CBLB: variants seen among roughly 807,000 people sequenced by gnomAD.
CBLB encodes the protein Cbl proto-oncogene B.
A neutral mutation model predicts 104.9 loss-of-function variants in CBLB; 31 were observed. The observed-to-expected ratio is 0.30, with a 90% CI of 0.22 to 0.40. The LOEUF is 0.40. CBLB is among the 10% of genes least tolerant of loss of function. CBLB has a pLI of 1.00. For synonymous variants in CBLB, 440 were observed against 422.6 expected (o/e 1.04, Z -0.51); for missense variants, 1,062 against 1,214.6 (o/e 0.87, Z 1.87).
intron 18 of CBLB, among the ~76,000 whole-genome samples, chr3:105,668,852 C>A (rs1204382065): frequency 6.6e-6 from 1 of 152,108 alleles, no homozygotes; most frequent in African/African-American, 2.4e-5. Context: ...TATCTTGATT[C>A]AGAAGTTTCA....
At chr3:105,857,540 AG>A (rs2091731041) in intron 2 of CBLB, among the ~76,000 whole-genome samples, 1 of 152,238 alleles carries the variant, frequency 6.6e-6, no homozygotes. Flanking sequence ...AGAAAGATTA[AG>A]GGACCATTAA....
At position 105,678,710 on chromosome 3, in the gene CBLB, C is replaced by T. The variant is rs541515124; in HGVS notation, c.2429-139G>A. The T allele has an allele frequency of 1.5e-5, 14 of 929,708 alleles. No homozygotes were observed. In the South Asian group the frequency reaches 2.0e-4, roughly 13 times the overall value. 57.6% of individuals were successfully genotyped at this position (929,708 alleles called of 1,614,324 possible). A position where few individuals can be genotyped will look rare whatever the true frequency, so the allele number is the denominator to read the frequency against. ...CAGGGTTTATCCAGCAGTTCACCAA[C>T]TTTGATAATGGGATCTAATTATTTT... is the stretch of plus-strand genomic sequence containing the variant. On this transcript the variant is annotated intron_variant, in intron 16 of 18. Transcript: ENST00000394030.
intron 4 of CBLB, among the ~76,000 whole-genome samples, chr3:105,766,264 G>C (rs1167514170): frequency 6.6e-6 from 1 of 152,120 alleles, no homozygotes; most frequent in African/African-American, 2.4e-5. Context: ...TTTCTTAAAT[G>C]TAATTTACTC....
At chr3:105,826,714 G>T (rs767876679) in intron 3 of CBLB, among the ~76,000 whole-genome samples, 3 of 152,100 alleles carry the variant, frequency 2.0e-5, no homozygotes, top group South Asian at 2.1e-4. Flanking sequence ...GGCAGAAAAG[G>T]CTTCTGAACA....
chr3:105,673,491 CAT>C (rs2065286171), intron 17 of CBLB: 1 of 152,078 alleles, frequency 6.6e-6, no homozygotes, highest in African/African-American at 2.4e-5. Flanking sequence ...CCTCCCTGGC[CAT>C]CCATAAACCA....
intron 3 of CBLB, among the ~76,000 whole-genome samples, chr3:105,780,611 T>C (rs1283274424): frequency 6.6e-6 from 1 of 151,784 alleles, no homozygotes; most frequent in African/African-American, 2.4e-5. Flanking sequence ...TTTCTTTGCA[T>C]GGGATTTTGT....
intron 2 of CBLB, among the ~76,000 whole-genome samples, chr3:105,860,933 G>A (rs903156741): frequency 5.9e-5 from 9 of 152,068 alleles, no homozygotes; most frequent in Admixed American, 5.9e-4. Context: ...AGGAAAAGAC[G>A]TAGGGCTTTA....
At chr3:105,669,887 T>C (rs770274170) in intron 18 of CBLB, among the ~76,000 whole-genome samples, 1 of 152,142 alleles carries the variant, frequency 6.6e-6, no homozygotes. Flanking sequence ...ATTAATTCCA[T>C]AGAGATTGCT....
intron 4 of CBLB, among the ~76,000 whole-genome samples, chr3:105,773,120 T>C (rs1012748277): frequency 6.6e-6 from 1 of 152,170 alleles, no homozygotes; most frequent in Non-Finnish European, 1.5e-5. Flanking sequence ...GCAATTGCAA[T>C]GATATGGAAC....
intron 2 of CBLB, 28 bp downstream of exon 2, chr3:105,867,382 C>T (rs201961348): frequency 3.8e-4 from 603 of 1,607,930 alleles, no homozygotes; most frequent in Non-Finnish European, 4.7e-4. Context: ...AATAGTGTTT[C>T]GCACAGGCAA....
chr3:105,853,306 G>T, intron 3 of CBLB, 108 bp downstream of exon 3: 1 of 1,102,764 alleles, frequency 9.1e-7, no homozygotes, highest in Non-Finnish European at 1.4e-6. Flanking sequence ...TATACAAAGC[G>T]ACTCACATTT....
chr3:105,660,299 C>T (rs1444415472), intron 18 of CBLB, among the ~76,000 whole-genome samples: 4 of 152,038 alleles, frequency 2.6e-5, no homozygotes, highest in Non-Finnish European at 4.4e-5. Context: ...ATTCTACTAC[C>T]GCCTCAGCTT....
intron 9 of CBLB, among the ~76,000 whole-genome samples, chr3:105,721,090 T>C (rs2152828567): frequency 6.6e-6 from 1 of 152,336 alleles, no homozygotes; most frequent in Non-Finnish European, 1.5e-5. Context: ...GATAAGATGG[T>C]ATATGATATT....
intron 6 of CBLB, among the ~76,000 whole-genome samples, chr3:105,742,187 A>T (rs2075668406): frequency 6.6e-6 from 1 of 152,154 alleles, no homozygotes; most frequent in Non-Finnish European, 1.5e-5. Context: ...AACCAACTTA[A>T]ATCTGTTGGC....
At chr3:105,686,814 C>T (rs764715193) in intron 13 of CBLB, among the ~76,000 whole-genome samples, 1 of 152,032 alleles carries the variant, frequency 6.6e-6, no homozygotes, top group Non-Finnish European at 1.5e-5. Flanking sequence ...TTCACATGAG[C>T]GTTACAGGGA....
intron 10 of CBLB, among the ~76,000 whole-genome samples, chr3:105,706,488 A>G (rs2070160427): frequency 6.6e-6 from 1 of 152,204 alleles, no homozygotes; most frequent in African/African-American, 2.4e-5. Flanking sequence ...AGAAAGTCAC[A>G]GGGCCTCACA....
intron 2 of CBLB, among the ~76,000 whole-genome samples, chr3:105,859,662 CAAAA>C (rs33981342): frequency 6.4e-5 from 6 of 94,164 alleles, no homozygotes; most frequent in Non-Finnish European, 6.4e-5. Flanking sequence ...GACTCCGTGT[CAAAA>C]AAAAAAAAAA....
intron 3 of CBLB, among the ~76,000 whole-genome samples, chr3:105,811,928 T>C (rs151331703): frequency 0.017 from 2,612 of 152,252 alleles, 66 homozygotes; most frequent in African/African-American, 0.059. Context: ...GGTCTTGAAC[T>C]CCTGATCTCA....
rs115596216 is a variant in CBLB at position 105,773,159 on chromosome 3, G to A, written c.566+3237C>T. Among the ~76,000 whole-genome samples, 753 of 152,188 alleles carry A rather than the reference G, an allele frequency of 4.9e-3. 2 individuals carry two copies. Among genetic ancestry groups the A allele is most frequent in the Middle Eastern group, 0.027 (8 of 294 alleles). On this transcript the variant is annotated intron_variant, in intron 4 of 18. Transcript: ENST00000394030. ...CCTAAGTGCACATAGACCAACAAGCGGATAAAGAAAACATGGCATATTTAC... is the reference window on the plus strand; with the variant it reads ...CCTAAGTGCACATAGACCAACAAGCAGATAAAGAAAACATGGCATATTTAC...
Sources: allele counts gnomAD v4.1 joint callset (sites outside exome capture counted in the v4.1 genomes callset), GRCh38; gene constraint gnomAD v4.1.1; transcripts MANE v1.5; gene names NCBI Gene and HGNC (gene_info 2026-07-23, HGNC 2026-07-21).